The following ROCK1 variants were observed in gnomAD, a reference collection of about 807,000 sequenced individuals.
ROCK1 encodes rho-associated protein kinase 1.
Under a neutral mutation model 196.8 loss-of-function variants are expected in ROCK1, and 36 were observed. That is an observed-to-expected ratio of 0.18 (90% CI 0.14 to 0.24). ROCK1 has a LOEUF of 0.24. Among genes scored for constraint, ROCK1 ranks in the 10% least tolerant of loss-of-function variants. The pLI is 1.00. For synonymous variants in ROCK1, 443 were observed against 515.9 expected (o/e 0.86, Z 1.91); for missense variants, 920 against 1,562.0 (o/e 0.59, Z 6.93).
chr18:20,979,824 G>A, intron 22 of ROCK1, 86 bp downstream of exon 22: 1 of 1,416,272 alleles, frequency 7.1e-7, no homozygotes, highest in Non-Finnish European at 9.4e-7. Context: ...ATTCCCACCA[G>A]AATAATGGCA....
chr18:21,099,394 G>C (rs2036639079), intron 1 of ROCK1, among the ~76,000 whole-genome samples: 1 of 152,194 alleles, frequency 6.6e-6, no homozygotes, highest in Non-Finnish European at 1.5e-5. Flanking sequence ...AGGGTAGAGA[G>C]ACGTGGATCA....
Position 20,954,773 on chromosome 18 carries a change from C to T in ROCK1, c.3853+10G>A. 6.4e-7 allele frequency: 1 copy of T among 1,564,778 alleles called. No homozygotes were observed. Among genetic ancestry groups the T allele is most frequent in the Non-Finnish European group, 8.6e-7 (1 of 1,159,394 alleles). On this transcript the variant is annotated intron_variant, in intron 31 of 32. Transcript: ENST00000399799. ...TGTTATAAGTTGTAACAATAATTACCATGCCTTACCTTTACATGGACAAAT... is the reference window on the plus strand; with the variant it reads ...TGTTATAAGTTGTAACAATAATTACTATGCCTTACCTTTACATGGACAAAT...
In ROCK1 at chr18:20,977,135, A is replaced by T. The variant is rs1220998290; in HGVS notation, c.2654+2775T>A. 2.6e-5 allele frequency among the ~76,000 whole-genome samples: 4 copies of T among 152,290 alleles called. No homozygotes were observed. The East Asian group carries it at 7.7e-4, about 29-fold the overall frequency. On this transcript the variant is annotated intron_variant, in intron 22 of 32. Transcript: ENST00000399799. ...AATTCATTCTCCACTCCTTAGAGTG[A>T]GTTTTCTAAAATACTTATCAGTCAC... is the stretch of plus-strand genomic sequence containing the variant.
chr18:21,024,747 C>T lies in ROCK1; in HGVS notation c.1212-1067G>A, dbSNP rs1298896869. 3.3e-5 allele frequency among the ~76,000 whole-genome samples: 5 copies of T among 152,140 alleles called. No homozygotes were observed. In the South Asian group the frequency reaches 6.2e-4, roughly 19 times the overall value. ...TATAAAAGAAACAGCTAGAAATATG[C>T]CACTTCCTAGGTTTTCCTTGAAAAA... is the stretch of plus-strand genomic sequence containing the variant. On this transcript the variant is annotated intron_variant, in intron 10 of 32. Transcript: ENST00000399799.
intron 20 of ROCK1, among the ~76,000 whole-genome samples, chr18:20,983,486 G>A (rs1361515033): frequency 3.3e-5 from 5 of 151,780 alleles, no homozygotes; most frequent in Admixed American, 3.3e-4. Context: ...CAAAGACACA[G>A]ATTTTCAATA....
At chr18:20,984,209 A>T in intron 20 of ROCK1, 142 bp downstream of exon 20, 1 of 631,204 alleles carries the variant, frequency 1.6e-6, no homozygotes, top group Non-Finnish European at 2.5e-6. Context: ...CTTTGCAAGT[A>T]AATTCTTTTA....
intron 3 of ROCK1, among the ~76,000 whole-genome samples, chr18:21,049,564 C>G (rs1414901225): frequency 6.6e-6 from 1 of 152,190 alleles, no homozygotes; most frequent in East Asian, 1.9e-4. Context: ...TCTTCTGATG[C>G]CTGACACTTC....
At position 20,967,972 on chromosome 18, in the gene ROCK1, TGTA is replaced by T. The variant is rs758141072; in HGVS notation, c.3004-35_3004-33del. 7 of 1,389,598 alleles carry T rather than the reference TGTA, an allele frequency of 5.0e-6. No homozygotes were observed. The South Asian group carries it at 1.0e-4, about 21-fold the overall frequency. 86.1% of individuals were successfully genotyped at this position (1,389,598 alleles called of 1,614,324 possible). A position where few individuals can be genotyped will look rare whatever the true frequency, so the allele number is the denominator to read the frequency against. On this transcript the variant is annotated intron_variant, in intron 25 of 32. Transcript: ENST00000399799. ...AAATATTATTAATAAAGATCAATAG[TGTA>T]GTCATCCAATTTAATACTAAAATGT...
intron 16 of ROCK1, among the ~76,000 whole-genome samples, chr18:20,995,465 G>C (rs138107701): frequency 7.9e-5 from 12 of 152,248 alleles, no homozygotes; most frequent in African/African-American, 2.9e-4. Context: ...CCATGGTGGG[G>C]TACAGCACCA....
intron 1 of ROCK1, among the ~76,000 whole-genome samples, chr18:21,088,980 G>A (rs2036548775): frequency 6.6e-6 from 1 of 151,944 alleles, no homozygotes; most frequent in African/African-American, 2.4e-5. Flanking sequence ...TATAGCAGCA[G>A]AAATAAACTA....
At chr18:21,035,925 T>G (rs1353773298) in intron 9 of ROCK1, among the ~76,000 whole-genome samples, 1 of 152,188 alleles carries the variant, frequency 6.6e-6, no homozygotes, top group African/African-American at 2.4e-5. Flanking sequence ...AATGGAGAGT[T>G]ACTATTTAAG....
intron 27 of ROCK1, among the ~76,000 whole-genome samples, chr18:20,965,404 T>TATAC (rs35001699): frequency 0.071 from 10,488 of 146,772 alleles, 460 homozygotes; most frequent in Admixed American, 0.12. Context: ...TACATACATA[T>TATAC]ATACATACAT....
intron 16 of ROCK1, among the ~76,000 whole-genome samples, chr18:21,004,839 T>G (rs908608462): frequency 2.3e-4 from 35 of 152,326 alleles, no homozygotes; most frequent in African/African-American, 8.4e-4. Flanking sequence ...GTTACTTTCT[T>G]AGTTATAATC....
intron 10 of ROCK1, among the ~76,000 whole-genome samples, chr18:21,024,724 T>G (rs933735560): frequency 2.6e-5 from 4 of 152,220 alleles, no homozygotes; most frequent in African/African-American, 9.6e-5. Flanking sequence ...AATGGTACTA[T>G]AAAAGAAACA....
chr18:21,031,121 A>C (rs1046889582), intron 9 of ROCK1, among the ~76,000 whole-genome samples: 1 of 152,036 alleles, frequency 6.6e-6, no homozygotes, highest in Non-Finnish European at 1.5e-5. Flanking sequence ...TGCAGCCCAC[A>C]ACAAGCAACA....
At chr18:21,008,761 T>C (rs2035790373) in intron 13 of ROCK1, among the ~76,000 whole-genome samples, 1 of 152,144 alleles carries the variant, frequency 6.6e-6, no homozygotes. Context: ...ATTCTAAGAG[T>C]TTATCATTCT....
intron 4 of ROCK1, among the ~76,000 whole-genome samples, chr18:21,046,205 C>T (rs1598542350): frequency 6.6e-6 from 1 of 152,096 alleles, no homozygotes; most frequent in Admixed American, 6.6e-5. Flanking sequence ...CCACTGCGCC[C>T]GGCCTCAGCT....
chr18:21,093,223 C>T (rs1466181109), intron 1 of ROCK1, among the ~76,000 whole-genome samples: 1 of 152,144 alleles, frequency 6.6e-6, no homozygotes, highest in Non-Finnish European at 1.5e-5. Context: ...TACTGGCACT[C>T]GTCTTGTAAT....
intron 1 of ROCK1, among the ~76,000 whole-genome samples, chr18:21,075,122 G>A (rs2036418632): frequency 6.6e-6 from 1 of 152,158 alleles, no homozygotes; most frequent in Non-Finnish European, 1.5e-5. Flanking sequence ...TTTCTGCGGG[G>A]GAGAAAGTGG....
Sources: allele counts gnomAD v4.1 joint callset (sites outside exome capture counted in the v4.1 genomes callset), GRCh38; gene constraint gnomAD v4.1.1; transcripts MANE v1.5; gene names NCBI Gene and HGNC (gene_info 2026-07-23, HGNC 2026-07-21).